SMC1B: variants seen among roughly 807,000 people sequenced by gnomAD.
The protein encoded by SMC1B is structural maintenance of chromosomes protein 1B.
A neutral mutation model predicts 157.9 loss-of-function variants in SMC1B; 60 were observed. The observed-to-expected ratio is 0.38, with a 90% CI of 0.31 to 0.47. SMC1B has a LOEUF of 0.47. SMC1B is among the 20% of genes least tolerant of loss of function. The pLI, the probability that SMC1B is intolerant of heterozygous loss-of-function variation, is 0.99. For missense variants in SMC1B, 1,165 were observed against 1,426.2 expected (o/e 0.82, Z 2.95); for synonymous variants, 445 against 483.0 (o/e 0.92, Z 1.03).
chr22:45,359,075 C>T (rs2086696331), intron 18 of SMC1B, among the ~76,000 whole-genome samples: 1 of 151,880 alleles, frequency 6.6e-6, no homozygotes, highest in African/African-American at 2.4e-5. Flanking sequence ...AAAACAAAAA[C>T]AAAAACAAAA....
chr22:45,384,796 T>C (rs2086974080), intron 11 of SMC1B, among the ~76,000 whole-genome samples: 1 of 152,248 alleles, frequency 6.6e-6, no homozygotes, highest in South Asian at 2.1e-4. Flanking sequence ...TAAATTAATA[T>C]TTCTAATTCA....
Position 45,354,054 on chromosome 22 carries a change from A to C in SMC1B, c.3197T>G (p.Phe1066Cys), listed in dbSNP as rs760620633. 13 of 1,603,760 alleles carry C rather than the reference A, an allele frequency of 8.1e-6. 1 individual carries two copies. The South Asian group carries it at 1.4e-4, about 17-fold the overall frequency. Residue 1066 changes from phenylalanine (F) to cysteine (C), a missense_variant, in exon 21 of 25, where the codon TTC (phenylalanine) becomes TGC (cysteine). Transcript: ENST00000357450. ...TGAGACATGCTCAAAACACTGGGTGAAAAGATCGTATCTCCTTTTTTTCAC... is the reference window on the plus strand; with the variant it reads ...TGAGACATGCTCAAAACACTGGGTGCAAAGATCGTATCTCCTTTTTTTCAC... ...EQVKKRRYDL[F>C]TQCFEHVSIS... is the part of the protein sequence containing the mutation.
At chr22:45,350,327 G>C (rs1351961471) in intron 22 of SMC1B, among the ~76,000 whole-genome samples, 1 of 150,900 alleles carries the variant, frequency 6.6e-6, no homozygotes, top group African/African-American at 2.4e-5. Flanking sequence ...CACCAGGCTG[G>C]AGTGCAGTGG....
At chr22:45,405,359 G>A (rs1224909730) in intron 4 of SMC1B, among the ~76,000 whole-genome samples, 1 of 151,838 alleles carries the variant, frequency 6.6e-6, no homozygotes, top group African/African-American at 2.4e-5. Context: ...AGGAGAATGA[G>A]ACCACGGTGA....
chr22:45,395,844 C>T (rs1273505402), intron 7 of SMC1B, among the ~76,000 whole-genome samples: 2 of 152,114 alleles, frequency 1.3e-5, no homozygotes, highest in Non-Finnish European at 1.5e-5. Flanking sequence ...GCAACAAGAC[C>T]GAAACTCCGT....
At chr22:45,378,811 A>C (rs925611825) in intron 12 of SMC1B, among the ~76,000 whole-genome samples, 15 of 152,168 alleles carry the variant, frequency 9.9e-5, no homozygotes, top group African/African-American at 3.6e-4. Flanking sequence ...TCTTTGTCTT[A>C]TGTTACATAT....
At chr22:45,381,649 C>A (rs750471192) in intron 12 of SMC1B, among the ~76,000 whole-genome samples, 5 of 152,204 alleles carry the variant, frequency 3.3e-5, no homozygotes, top group Non-Finnish European at 7.3e-5. Flanking sequence ...TCCCTCCTAG[C>A]TGCCACCTGG....
chr22:45,412,324 C>T (rs764463735), intron 1 of SMC1B, among the ~76,000 whole-genome samples: 3 of 151,762 alleles, frequency 2.0e-5, no homozygotes, highest in Non-Finnish European at 4.4e-5. Flanking sequence ...CCTCAGCCTC[C>T]TCAGTAGCCG....
chr22:45,385,047 G>A (rs747508006), intron 11 of SMC1B, among the ~76,000 whole-genome samples: 1 of 152,022 alleles, frequency 6.6e-6, no homozygotes, highest in East Asian at 1.9e-4. Context: ...ATATGTTTTA[G>A]AGTAACAACC....
At chr22:45,351,653 A>G (rs559204256) in intron 22 of SMC1B, among the ~76,000 whole-genome samples, 3 of 152,230 alleles carry the variant, frequency 2.0e-5, no homozygotes, top group East Asian at 1.9e-4. Context: ...GGCTCCAGCA[A>G]TCCTCCCACC....
At chr22:45,382,535 T>G (rs575766329) in intron 12 of SMC1B, among the ~76,000 whole-genome samples, 1 of 152,266 alleles carries the variant, frequency 6.6e-6, no homozygotes, top group East Asian at 1.9e-4. Context: ...ATGTCATGAG[T>G]GCAGTGATGG....
chr22:45,408,516 G>T (rs558227884), intron 2 of SMC1B, among the ~76,000 whole-genome samples, 194 bp downstream of exon 2: 1 of 152,158 alleles, frequency 6.6e-6, no homozygotes, highest in African/African-American at 2.4e-5. Flanking sequence ...AGGAAAAGCA[G>T]ACATAATTGG....
chr22:45,346,130 G>A (rs895062647), intron 23 of SMC1B, among the ~76,000 whole-genome samples: 3 of 151,470 alleles, frequency 2.0e-5, no homozygotes, highest in Non-Finnish European at 4.4e-5. Flanking sequence ...GCTTGAACCC[G>A]GGAGGTAGAG....
chr22:45,349,534 C>T lies in SMC1B; in HGVS notation c.3495+194G>A, dbSNP rs4823214. Among the ~76,000 whole-genome samples the T allele has an allele frequency of 2.5e-3, 13 of 5,262 alleles. 6 individuals carry two copies. Among genetic ancestry groups the T allele is most frequent in the East Asian group, 6.6e-3 (2 of 302 alleles). The allele number at this position is 5,262 out of a possible 152,430, so 3.5% of individuals were successfully genotyped here. On this transcript the variant is annotated intron_variant, in intron 23 of 24. Coordinates refer to ENST00000357450, the MANE Select transcript of SMC1B (RefSeq NM_148674.5). ...TATTTTTAGTAGAGACGGAGATTCA[C>T]CATGTTGGTCAGGCTGGTCTTAAAC...
chr22:45,382,466 G>T (rs1158112973), intron 12 of SMC1B, among the ~76,000 whole-genome samples: 1 of 152,234 alleles, frequency 6.6e-6, no homozygotes, highest in African/African-American at 2.4e-5. Context: ...AAGGGGTCCA[G>T]AAGAGGGGAC....
At chr22:45,373,647 G>A (rs1397511943) in intron 12 of SMC1B, among the ~76,000 whole-genome samples, 2 of 152,214 alleles carry the variant, frequency 1.3e-5, no homozygotes, top group Non-Finnish European at 2.9e-5. Flanking sequence ...TCCTCCCAAA[G>A]TTAGTTTGGC....
intron 21 of SMC1B, among the ~76,000 whole-genome samples, chr22:45,353,261 CAAA>C (rs11311805): frequency 9.7e-5 from 10 of 102,568 alleles, no homozygotes; most frequent in Non-Finnish European, 1.0e-4. Context: ...AACTCTGTCT[CAAA>C]AAAAAAAAAA....
chr22:45,404,252 T>C lies in SMC1B; in HGVS notation c.616-1681A>G, dbSNP rs985408347. 0.041 allele frequency among the ~76,000 whole-genome samples: 4 copies of C among 98 alleles called. No individual in the cohort carries two copies. In the East Asian group the frequency reaches 0.5, roughly 12 times the overall value. The allele number at this position is 98 out of a possible 152,430, so 0.1% of individuals were successfully genotyped here. A position where few individuals can be genotyped will look rare whatever the true frequency, so the allele number is the denominator to read the frequency against. On this transcript the variant is annotated intron_variant, in intron 4 of 24. Coordinates refer to ENST00000357450, the MANE Select transcript of SMC1B (RefSeq NM_148674.5). ...GCGCCATGCCTGGCCAGAGGGGTTT[T>C]ATTCACCCTATATCATATAGCTTAC...
At position 45,344,482 on chromosome 22, in the gene SMC1B, TCTC is replaced by T; in HGVS notation, c.*71_*73del. 5 of 1,069,252 alleles carry T rather than the reference TCTC, an allele frequency of 4.7e-6. No homozygotes were observed. The highest frequency in any genetic ancestry group is 2.0e-4 in the Middle Eastern group (1 of 4,890). The allele number at this position is 1,069,252 out of a possible 1,614,324, so 66.2% of individuals were successfully genotyped here. The stretch of plus-strand genomic sequence containing the variant: ...AGGCTGGTCCTGCTTGCTCCAGAAG[TCTC>T]CTGTGGAGGAGCTGTGTGAGTATTA... On this transcript the variant is annotated 3_prime_UTR_variant, in exon 25 of 25. Transcript: ENST00000357450.
Sources: allele counts gnomAD v4.1 joint callset (sites outside exome capture counted in the v4.1 genomes callset), GRCh38; gene constraint gnomAD v4.1.1; transcripts MANE v1.5; gene names NCBI Gene and HGNC (gene_info 2026-07-23, HGNC 2026-07-21).